The following NME7 variants were observed in gnomAD, a reference collection of about 807,000 sequenced individuals.
NME7 encodes nucleoside diphosphate kinase 7.
A neutral mutation model predicts 49.1 loss-of-function variants in NME7; 41 were observed. That is an observed-to-expected ratio of 0.83 (90% CI 0.65 to 1.08). NME7 has a LOEUF of 1.08. Among genes scored for constraint, NME7 ranks in the 50% least tolerant of loss-of-function variants. The pLI, the probability that NME7 is intolerant of heterozygous loss-of-function variation, is 0.00. For missense variants in NME7, 423 were observed against 463.4 expected, an observed-to-expected ratio of 0.91 and a Z score of 0.80; for synonymous variants, 139 against 150.6, an observed-to-expected ratio of 0.92 and a Z score of 0.56.
chr1:169,192,374 C>T (rs1176979880), intron 10 of NME7, among the ~76,000 whole-genome samples: 1 of 152,060 alleles, frequency 6.6e-6, no homozygotes, highest in Non-Finnish European at 1.5e-5. Context: ...AGAACATATA[C>T]AAACTTTTTT....
intron 1 of NME7, among the ~76,000 whole-genome samples, chr1:169,342,448 C>T (rs1652747222): frequency 6.8e-6 from 1 of 147,544 alleles, no homozygotes; most frequent in Non-Finnish European, 1.5e-5. Context: ...GCAGTGTGAA[C>T]ATGGACTAAT....
At chr1:169,254,191 C>A (rs1239792332) in intron 7 of NME7, among the ~76,000 whole-genome samples, 2 of 150,110 alleles carry the variant, frequency 1.3e-5, no homozygotes, top group Admixed American at 6.6e-5. Flanking sequence ...TCCATCTGGT[C>A]CTGGACTCTT....
Position 169,273,265 on chromosome 1 carries a change from T to C in NME7, c.754+14038A>G, listed in dbSNP as rs913580371. Among the ~76,000 whole-genome samples the C allele has an allele frequency of 2.1e-3, 269 of 129,196 alleles. 67 individuals are homozygous for C. Among genetic ancestry groups the C allele is most frequent in the Admixed American group, 3.5e-3 (46 of 13,072 alleles). 84.8% of individuals were successfully genotyped at this position (129,196 alleles called of 152,430 possible). On this transcript the variant is annotated intron_variant, in intron 7 of 11. Coordinates refer to ENST00000367811, the MANE Select transcript of NME7 (RefSeq NM_013330.5). The stretch of plus-strand genomic sequence containing the variant: ...TGATGTTCCCCTCCCTGTGTCCATG[T>C]GTTTTCATTGTTCAACTCAGACTTA...
chr1:169,258,094 T>C (rs1020945940), intron 7 of NME7, among the ~76,000 whole-genome samples: 2 of 131,874 alleles, frequency 1.5e-5, no homozygotes, highest in Admixed American at 1.5e-4. Flanking sequence ...TTCCAACACT[T>C]TGAGGGGCCA....
chr1:169,140,177 A>T (rs904834818), intron 11 of NME7, among the ~76,000 whole-genome samples: 2 of 152,222 alleles, frequency 1.3e-5, no homozygotes, highest in Non-Finnish European at 2.9e-5. Flanking sequence ...AACATGGTAA[A>T]ATATTAACAT....
chr1:169,315,412 C>T (rs1392562529), intron 3 of NME7, among the ~76,000 whole-genome samples: 11 of 151,890 alleles, frequency 7.2e-5, no homozygotes, highest in East Asian at 1.9e-4. Flanking sequence ...TATAGGCACA[C>T]GCCTCCACGG....
At chr1:169,236,119 A>G (rs539113859) in intron 8 of NME7, among the ~76,000 whole-genome samples, 19 of 152,236 alleles carry the variant, frequency 1.2e-4, no homozygotes, top group Non-Finnish European at 1.3e-4. Context: ...ATTCTGTTGG[A>G]TTTCAGTGTT....
Position 169,184,143 on chromosome 1 carries a change from T to A in NME7, c.991-14589A>T, listed in dbSNP as rs75857825. Among the ~76,000 whole-genome samples the A allele has an allele frequency of 2.5e-4, 37 of 146,090 alleles. No homozygotes were observed. The East Asian group carries it at 6.1e-3, about 24-fold the overall frequency. On this transcript the variant is annotated intron_variant, in intron 10 of 11. Transcript: ENST00000367811. ...TCTTGAAACACACTTACATTGTTTT[T>A]AAAAAAAAAAACAAAATTCCATTTC...
chr1:169,266,860 G>C (rs1356521488), intron 7 of NME7, among the ~76,000 whole-genome samples: 7 of 132,546 alleles, frequency 5.3e-5, no homozygotes, highest in African/African-American at 1.8e-4. Context: ...TTGAGGTCAG[G>C]AGTTCGAGAC....
intron 7 of NME7, among the ~76,000 whole-genome samples, chr1:169,253,672 C>T (rs1290449380): frequency 6.6e-6 from 1 of 152,088 alleles, no homozygotes; most frequent in Non-Finnish European, 1.5e-5. Context: ...TAGTTTTTGC[C>T]CATTCAGTAT....
At chr1:169,359,185 T>A (rs1257032137) in intron 1 of NME7, among the ~76,000 whole-genome samples, 2 of 152,286 alleles carry the variant, frequency 1.3e-5, no homozygotes, top group East Asian at 3.9e-4. Context: ...TTAATTCATC[T>A]CTAAATTACT....
At chr1:169,154,734 G>T (rs1339983235) in intron 11 of NME7, among the ~76,000 whole-genome samples, 1 of 151,490 alleles carries the variant, frequency 6.6e-6, no homozygotes, top group Non-Finnish European at 1.5e-5. Flanking sequence ...GGAAGTGGAG[G>T]TTGCAGTGAG....
At chr1:169,330,706 C>G (rs535995455) in intron 1 of NME7, among the ~76,000 whole-genome samples, 14 of 151,996 alleles carry the variant, frequency 9.2e-5, no homozygotes, top group African/African-American at 2.9e-4. Context: ...AAATCCATTA[C>G]AAATGTTACT....
chr1:169,297,756 C>G (rs1457045858), intron 6 of NME7, among the ~76,000 whole-genome samples: 1 of 152,032 alleles, frequency 6.6e-6, no homozygotes, highest in East Asian at 1.9e-4. Context: ...CTGGGCATAG[C>G]TGATTTTACT....
Position 169,287,417 on chromosome 1 carries a change from A to C in NME7, c.649-9T>G, listed in dbSNP as rs1379475332. The C allele has an allele frequency of 6.4e-7, 1 of 1,567,994 alleles. No individual in the cohort carries two copies. Among genetic ancestry groups the C allele is most frequent in the African/African-American group, 1.4e-5 (1 of 73,146 alleles). Reference sequence around the variant, plus strand: ...AAAAACAACTCCATTTCCTAAAGACAGAGAGAAATGATTTTGACAAATGTG... The same window carrying C: ...AAAAACAACTCCATTTCCTAAAGACCGAGAGAAATGATTTTGACAAATGTG... On this transcript the variant is annotated splice_polypyrimidine_tract_variant and intron_variant, in intron 6 of 11. Transcript: ENST00000367811.
intron 1 of NME7, among the ~76,000 whole-genome samples, chr1:169,341,616 C>T (rs1652703043): frequency 2.0e-5 from 3 of 152,138 alleles, no homozygotes; most frequent in African/African-American, 4.8e-5. Flanking sequence ...CAGGGGCACT[C>T]GATGCCAGCC....
At chr1:169,274,498 T>C (rs2101878277) in intron 7 of NME7, among the ~76,000 whole-genome samples, 1 of 134,324 alleles carries the variant, frequency 7.4e-6, no homozygotes, top group East Asian at 2.0e-4. Context: ...ATTTTGGCTT[T>C]TGTTGCCATT....
In NME7 at chr1:169,325,760, A is replaced by T. The variant is rs181319877; in HGVS notation, c.4-1260T>A. ...AATGATGTTTATAATATATCCATAA[A>T]CTATAACGTAGATGACACTTTTATT... On this transcript the variant is annotated intron_variant, in intron 1 of 11. Transcript: ENST00000367811. Among the ~76,000 whole-genome samples, 19 of 152,282 alleles carry T rather than the reference A, an allele frequency of 1.2e-4. No homozygotes were observed. The East Asian group carries it at 3.7e-3, about 29-fold the overall frequency.
intron 6 of NME7, among the ~76,000 whole-genome samples, chr1:169,296,996 T>C (rs143605643): frequency 1.3e-5 from 2 of 150,668 alleles, no homozygotes; most frequent in East Asian, 3.9e-4. Flanking sequence ...TCCCCCGAGA[T>C]GGAGTCTCAC....
Sources: gnomAD v4.1 joint callset for allele counts (sites outside exome capture counted in the v4.1 genomes callset) on GRCh38, gnomAD v4.1.1 for gene constraint, MANE v1.5 for transcripts, NCBI Gene and HGNC (gene_info 2026-07-23, HGNC 2026-07-21) for gene names.